Variants in SULF1 observed in about 807,000 individuals in gnomAD.
SULF1 encodes sulfatase 1.
SULF1 carries 46 observed loss-of-function variants against 110.5 expected under a neutral mutation model. The ratio of observed to expected loss-of-function variants is 0.42; its 90% CI spans 0.33 to 0.53. The LOEUF is 0.53. Ranked by LOEUF, SULF1 falls within the 20% of genes least tolerant of loss-of-function variation. The pLI, the probability that SULF1 is intolerant of heterozygous loss-of-function variation, is 0.12. For missense variants in SULF1, 941 were observed against 1,094.2 expected (o/e 0.86, Z 1.98); for synonymous variants, 371 against 387.1 (o/e 0.96, Z 0.49).
At chr8:69,572,312 G>T (rs915873723) in intron 5 of SULF1, among the ~76,000 whole-genome samples, 1 of 152,102 alleles carries the variant, frequency 6.6e-6, no homozygotes. Context: ...GGTCTGTGTG[G>T]CCCTAGGCAC....
intron 5 of SULF1, among the ~76,000 whole-genome samples, chr8:69,569,286 G>T (rs1215743035): frequency 6.6e-6 from 1 of 152,166 alleles, no homozygotes; most frequent in Non-Finnish European, 1.5e-5. Flanking sequence ...ACCAGAGCTA[G>T]CCCACAGATG....
intron 8 of SULF1, among the ~76,000 whole-genome samples, chr8:69,590,606 A>G: frequency 6.6e-6 from 1 of 152,228 alleles, no homozygotes; most frequent in East Asian, 1.9e-4. Context: ...AAGAACTAAC[A>G]ATATGAAGCC....
At chr8:69,532,367 AC>A (rs1221654158) in intron 3 of SULF1, among the ~76,000 whole-genome samples, 1 of 152,044 alleles carries the variant, frequency 6.6e-6, no homozygotes, top group Admixed American at 6.5e-5. Context: ...TGAGGAGAGA[AC>A]CCTTCAATTC....
At chr8:69,605,781 T>C (rs1437034720) in intron 13 of SULF1, among the ~76,000 whole-genome samples, 1 of 152,204 alleles carries the variant, frequency 6.6e-6, no homozygotes, top group Non-Finnish European at 1.5e-5. Flanking sequence ...ATAGTGAGCA[T>C]TTGTCTTACA....
At chr8:69,525,876 T>C (rs549653343) in intron 3 of SULF1, among the ~76,000 whole-genome samples, 176 of 152,286 alleles carry the variant, frequency 1.2e-3, no homozygotes, top group Non-Finnish European at 1.9e-3. Flanking sequence ...AAATTCCTGG[T>C]GTGATAATCG....
chr8:69,551,876 G>A (rs1417666229), intron 3 of SULF1, among the ~76,000 whole-genome samples: 1 of 152,156 alleles, frequency 6.6e-6, no homozygotes, highest in African/African-American at 2.4e-5. Context: ...TGGATCACCT[G>A]AGGCCAGGAG....
At chr8:69,585,916 A>G (rs1254977327) in intron 6 of SULF1, among the ~76,000 whole-genome samples, 1 of 152,222 alleles carries the variant, frequency 6.6e-6, no homozygotes, top group Non-Finnish European at 1.5e-5. Flanking sequence ...TGTTTTTATA[A>G]TTCACAATTC....
intron 1 of SULF1, among the ~76,000 whole-genome samples, chr8:69,476,276 T>C (rs1287886632): frequency 6.6e-6 from 1 of 152,196 alleles, no homozygotes; most frequent in Non-Finnish European, 1.5e-5. Flanking sequence ...CCCATTCCCC[T>C]GCTTTTCTTT....
intron 5 of SULF1, among the ~76,000 whole-genome samples, chr8:69,565,193 T>C (rs1194794914): frequency 6.6e-6 from 1 of 151,800 alleles, no homozygotes; most frequent in Non-Finnish European, 1.5e-5. Flanking sequence ...GATGTCATTA[T>C]TGCTGACGTT....
upstream of SULF1, among the ~76,000 whole-genome samples, chr8:69,489,504 TAAA>T (rs937093124): frequency 6.5e-5 from 9 of 138,934 alleles, no homozygotes; most frequent in Admixed American, 6.5e-4. Context: ...GCCAGAGGGC[TAAA>T]AAAAAAAAAT....
chr8:69,529,065 T>A (rs1812900922), intron 3 of SULF1, among the ~76,000 whole-genome samples: 2 of 152,136 alleles, frequency 1.3e-5, no homozygotes, highest in African/African-American at 4.8e-5. Context: ...CCTCAAAAAG[T>A]CTGTGAGGTT....
At chr8:69,509,783 G>A (rs1014988789) in intron 3 of SULF1, among the ~76,000 whole-genome samples, 9 of 152,144 alleles carry the variant, frequency 5.9e-5, no homozygotes, top group Admixed American at 2.0e-4. Flanking sequence ...ACTGACTTAT[G>A]GAGGAATTTT....
intron 3 of SULF1, among the ~76,000 whole-genome samples, chr8:69,521,370 A>T (rs1032949224): frequency 6.6e-6 from 1 of 152,184 alleles, no homozygotes; most frequent in Non-Finnish European, 1.5e-5. Context: ...TATACGTAGT[A>T]TATTTGTACT....
chr8:69,616,102 C>T (rs1480741623), intron 13 of SULF1, among the ~76,000 whole-genome samples: 2 of 135,792 alleles, frequency 1.5e-5, no homozygotes, highest in African/African-American at 5.5e-5. Context: ...TATATACACA[C>T]ATATATGTGT....
At chr8:69,565,194 T>C (rs1470159333) in intron 5 of SULF1, among the ~76,000 whole-genome samples, 2 of 151,748 alleles carry the variant, frequency 1.3e-5, no homozygotes, top group East Asian at 3.9e-4. Flanking sequence ...ATGTCATTAT[T>C]GCTGACGTTG....
At chr8:69,599,745 T>C (rs558456486) in intron 8 of SULF1, among the ~76,000 whole-genome samples, 217 of 152,312 alleles carry the variant, frequency 1.4e-3, no homozygotes, top group African/African-American at 4.9e-3. Flanking sequence ...TGCCATAGCA[T>C]AGATATGTTA....
chr8:69,602,754 T>G (rs1807925348), intron 10 of SULF1, among the ~76,000 whole-genome samples: 1 of 152,228 alleles, frequency 6.6e-6, no homozygotes, highest in Non-Finnish European at 1.5e-5. Context: ...AATTGTCAGA[T>G]CTATATCTAG....
chr8:69,548,994 C>T (rs1448205651), intron 3 of SULF1, among the ~76,000 whole-genome samples: 8 of 152,178 alleles, frequency 5.3e-5, no homozygotes, highest in Non-Finnish European at 7.3e-5. Context: ...CCCAGGAGAG[C>T]GGAACTTATA....
At chr8:69,488,578 C>CACTAG (rs555525696), upstream of SULF1, among the ~76,000 whole-genome samples, 800 of 152,062 alleles carry the variant, frequency 5.3e-3, 4 homozygotes, top group Middle Eastern at 0.014. Context: ...GGCTGTTTGG[C>CACTAG]ACTAGTTCTC....
Sources: allele counts gnomAD v4.1 joint callset (sites outside exome capture counted in the v4.1 genomes callset), GRCh38; gene constraint gnomAD v4.1.1; transcripts MANE v1.5; gene names NCBI Gene and HGNC (gene_info 2026-07-23, HGNC 2026-07-21).